Variants in CFAP299 observed in about 807,000 individuals in gnomAD.
The protein encoded by CFAP299 is cilia and flagella associated protein 299.
In CFAP299, 21 loss-of-function variants were observed where a neutral mutation model predicts 27.0. That is an observed-to-expected ratio of 0.78 (90% CI 0.55 to 1.12). The LOEUF is 1.12. CFAP299 is among the 50% of genes most tolerant of loss of function. The pLI is 0.00. For synonymous variants in CFAP299, 104 were observed against 98.1 expected, an observed-to-expected ratio of 1.06 and a Z score of -0.36; for missense variants, 310 against 276.6, an observed-to-expected ratio of 1.12 and a Z score of -0.86.
At chr4:80,943,927 G>A (rs1376919693) in intron 4 of CFAP299, among the ~76,000 whole-genome samples, 7 of 152,004 alleles carry the variant, frequency 4.6e-5, no homozygotes, top group South Asian at 4.1e-4. Flanking sequence ...TTAGCTGAGC[G>A]TGGTGGCGCA....
intron 4 of CFAP299, among the ~76,000 whole-genome samples, chr4:80,935,693 AAC>A (rs1019547780): frequency 1.1e-4 from 16 of 152,298 alleles, no homozygotes; most frequent in African/African-American, 3.1e-4. Flanking sequence ...AAGCAATTGT[AAC>A]AAAATAAAAA....
chr4:80,844,605 GT>G (rs751158825), intron 3 of CFAP299, among the ~76,000 whole-genome samples: 1 of 151,906 alleles, frequency 6.6e-6, no homozygotes, highest in Non-Finnish European at 1.5e-5. Flanking sequence ...GGGGTTGTTT[GT>G]TTTTTTCTTG....
chr4:80,608,220 G>A, intron 3 of CFAP299: 1 of 628,924 alleles, frequency 1.6e-6, no homozygotes, highest in Non-Finnish European at 2.7e-6. Context: ...TTAGGAAATA[G>A]ATAACTGATT....
intron 5 of CFAP299, among the ~76,000 whole-genome samples, chr4:80,962,238 A>G (rs1289468170): frequency 6.6e-6 from 1 of 152,016 alleles, no homozygotes; most frequent in Non-Finnish European, 1.5e-5. Context: ...TAAATTTTCA[A>G]AAGATTTCAT....
chr4:80,799,286 TATAA>T (rs1728092387), intron 3 of CFAP299, among the ~76,000 whole-genome samples: 1 of 91,710 alleles, frequency 1.1e-5, no homozygotes, highest in Non-Finnish European at 1.9e-5. Flanking sequence ...ATATATATTG[TATAA>T]ATATATTTAT....
intron 3 of CFAP299, among the ~76,000 whole-genome samples, chr4:80,718,801 A>G (rs1486322275): frequency 1.3e-5 from 2 of 152,142 alleles, no homozygotes; most frequent in Non-Finnish European, 2.9e-5. Context: ...AGGATTAAAA[A>G]ACAAATGATG....
intron 2 of CFAP299, among the ~76,000 whole-genome samples, chr4:80,501,544 A>G (rs1731743854): frequency 6.8e-6 from 1 of 148,116 alleles, no homozygotes; most frequent in African/African-American, 2.4e-5. Context: ...ATATGTAAAT[A>G]TGTTAAGTAT....
intron 3 of CFAP299, among the ~76,000 whole-genome samples, chr4:80,801,322 G>A (rs986839818): frequency 1.3e-5 from 2 of 151,700 alleles, no homozygotes; most frequent in Non-Finnish European, 2.9e-5. Context: ...AAAGCATTAT[G>A]GAATGGAATC....
At position 80,374,815 on chromosome 4, in the gene CFAP299, A is replaced by G. The variant is rs139323248; in HGVS notation, c.242+11931A>G. 2.2e-3 allele frequency among the ~76,000 whole-genome samples: 333 copies of G among 152,098 alleles called. 1 individual carries two copies. The highest frequency in any genetic ancestry group is 7.6e-3 in the African/African-American group (317 of 41,508). On this transcript the variant is annotated intron_variant, in intron 2 of 5. Transcript: ENST00000358105. ...AGACTTTGAATACCTGAAATATCCT[A>G]TTGGCTAGGGAATTCCCCTTCAGTG... is the stretch of plus-strand genomic sequence containing the variant.
chr4:80,646,328 G>T (rs1252354880), intron 3 of CFAP299, among the ~76,000 whole-genome samples: 1 of 152,124 alleles, frequency 6.6e-6, no homozygotes, highest in Admixed American at 6.5e-5. Flanking sequence ...AAATTCTTTT[G>T]CTGTGGCTTT....
At chr4:80,816,594 A>G (rs991082665) in intron 3 of CFAP299, among the ~76,000 whole-genome samples, 5 of 152,126 alleles carry the variant, frequency 3.3e-5, no homozygotes, top group African/African-American at 7.2e-5. Flanking sequence ...GCATATCACT[A>G]TTTTATAAAT....
At chr4:80,695,841 A>G (rs1428471192) in intron 3 of CFAP299, among the ~76,000 whole-genome samples, 6 of 151,762 alleles carry the variant, frequency 4.0e-5, no homozygotes, top group African/African-American at 1.5e-4. Context: ...TTTTTTTAAT[A>G]GAGATAAGAT....
In CFAP299 at chr4:80,963,634, A is replaced by T; in HGVS notation, c.*22A>T. 2 of 1,480,158 alleles carry T rather than the reference A, an allele frequency of 1.4e-6. No individual in the cohort carries two copies. The highest frequency in any genetic ancestry group is 1.9e-6 in the Non-Finnish European group (2 of 1,070,200). The allele number at this position is 1,480,158 out of a possible 1,614,324, so 91.7% of individuals were successfully genotyped here. ...TTAAGTACCAACATGTTAATTTCCT[A>T]ATAATTTGCTAAATTTAAATAAATT... On this transcript the variant is annotated 3_prime_UTR_variant, in exon 6 of 6. Transcript: ENST00000358105.
At chr4:80,705,480 G>A (rs551014400) in intron 3 of CFAP299, among the ~76,000 whole-genome samples, 20 of 151,930 alleles carry the variant, frequency 1.3e-4, no homozygotes, top group African/African-American at 4.1e-4. Context: ...ACCCTGTCAC[G>A]TGGCCAAATC....
chr4:80,813,136 G>T (rs1226145284), intron 3 of CFAP299, among the ~76,000 whole-genome samples: 2 of 152,032 alleles, frequency 1.3e-5, no homozygotes, highest in East Asian at 3.9e-4. Flanking sequence ...CATATAAAAT[G>T]CTTTTTCTGC....
chr4:80,928,903 A>G (rs753154139), intron 4 of CFAP299, among the ~76,000 whole-genome samples: 1 of 152,006 alleles, frequency 6.6e-6, no homozygotes, highest in African/African-American at 2.4e-5. Context: ...GTATTATTCT[A>G]TCATAACTCT....
At chr4:80,840,393 G>GAAAGAAAGTACC (rs1730797906) in intron 3 of CFAP299, among the ~76,000 whole-genome samples, 1 of 152,134 alleles carries the variant, frequency 6.6e-6, no homozygotes. Context: ...AAGTAGACAA[G>GAAAGAAAGTACC]TTGGAGTTTT....
chr4:80,406,196 G>C (rs1326062803), intron 2 of CFAP299, among the ~76,000 whole-genome samples: 1 of 152,104 alleles, frequency 6.6e-6, no homozygotes, highest in Non-Finnish European at 1.5e-5. Context: ...TGTTTCCAAA[G>C]TGTCAAACTA....
chr4:80,765,070 T>A (rs1004460245), intron 3 of CFAP299, among the ~76,000 whole-genome samples: 2 of 151,828 alleles, frequency 1.3e-5, no homozygotes, highest in African/African-American at 4.8e-5. Flanking sequence ...TGCACACGTA[T>A]CCCAGAACTT....
Sources: gnomAD v4.1 joint callset for allele counts (sites outside exome capture counted in the v4.1 genomes callset) on GRCh38, gnomAD v4.1.1 for gene constraint, MANE v1.5 for transcripts, NCBI Gene and HGNC (gene_info 2026-07-23, HGNC 2026-07-21) for gene names.